Variants in LRRTM4 observed in about 807,000 individuals in gnomAD.
LRRTM4 encodes the protein leucine-rich repeat transmembrane neuronal protein 4.
A neutral mutation model predicts 47.6 loss-of-function variants in LRRTM4; 25 were observed. That is an observed-to-expected ratio of 0.53 (90% CI 0.38 to 0.73). LRRTM4 has a LOEUF of 0.73. LRRTM4 is among the 30% of genes least tolerant of loss of function. The pLI is 0.00. For synonymous variants in LRRTM4, 311 were observed against 269.5 expected (o/e 1.15, Z -1.51); for missense variants, 638 against 713.4 (o/e 0.89, Z 1.20).
At chr2:77,360,349 C>T (rs1672143051) in intron 3 of LRRTM4, among the ~76,000 whole-genome samples, 1 of 151,882 alleles carries the variant, frequency 6.6e-6, no homozygotes, top group South Asian at 2.1e-4. Context: ...CTCAGCTACT[C>T]GGGAGGCTGA....
intron 3 of LRRTM4, among the ~76,000 whole-genome samples, chr2:77,129,131 G>A (rs561138933): frequency 3.3e-5 from 5 of 152,016 alleles, no homozygotes; most frequent in Non-Finnish European, 7.4e-5. Context: ...ATCTTTATAT[G>A]AACATGGTAG....
intron 3 of LRRTM4, among the ~76,000 whole-genome samples, chr2:76,790,720 G>A (rs1674928108): frequency 6.6e-6 from 1 of 151,292 alleles, no homozygotes; most frequent in Non-Finnish European, 1.5e-5. Flanking sequence ...CCACCTCAGT[G>A]AAATTTAACA....
intron 3 of LRRTM4, among the ~76,000 whole-genome samples, chr2:77,318,544 A>G (rs1294470451): frequency 6.6e-6 from 1 of 152,014 alleles, no homozygotes; most frequent in Non-Finnish European, 1.5e-5. Flanking sequence ...AAATATAACT[A>G]CCCTTTTCAA....
intron 3 of LRRTM4, among the ~76,000 whole-genome samples, chr2:77,210,966 G>A (rs913073393): frequency 6.6e-6 from 1 of 152,104 alleles, no homozygotes; most frequent in African/African-American, 2.4e-5. Context: ...CCTGGAATGT[G>A]TAATGGATGT....
intron 3 of LRRTM4, among the ~76,000 whole-genome samples, chr2:77,355,578 C>T (rs1671937963): frequency 6.6e-6 from 1 of 152,086 alleles, no homozygotes; most frequent in African/African-American, 2.4e-5. Context: ...AACATGGATT[C>T]CATTTGTTTT....
chr2:77,082,349 G>A (rs1305355571), intron 3 of LRRTM4, among the ~76,000 whole-genome samples: 1 of 151,980 alleles, frequency 6.6e-6, no homozygotes, highest in East Asian at 1.9e-4. Flanking sequence ...AACTCTATGC[G>A]AGAGGGACCC....
chr2:77,277,284 T>C (rs898899619), intron 3 of LRRTM4, among the ~76,000 whole-genome samples: 5 of 151,262 alleles, frequency 3.3e-5, no homozygotes, highest in African/African-American at 1.2e-4. Flanking sequence ...TGTATAGCAA[T>C]GAAAAATACT....
chr2:77,061,390 A>T (rs913002426), intron 3 of LRRTM4, among the ~76,000 whole-genome samples: 4 of 152,172 alleles, frequency 2.6e-5, no homozygotes, highest in African/African-American at 9.7e-5. Context: ...AAAAAAAGTG[A>T]CCTTCAAAAC....
At chr2:76,978,752 A>T (rs1676500880) in intron 3 of LRRTM4, among the ~76,000 whole-genome samples, 1 of 151,978 alleles carries the variant, frequency 6.6e-6, no homozygotes, top group Non-Finnish European at 1.5e-5. Context: ...TTGCATGAGA[A>T]CTTCTTTGTT....
At chr2:77,031,464 T>C (rs573759400) in intron 3 of LRRTM4, among the ~76,000 whole-genome samples, 1 of 152,340 alleles carries the variant, frequency 6.6e-6, no homozygotes, top group South Asian at 2.1e-4. Context: ...TTATTAGTTA[T>C]TTCCTAATTT....
chr2:76,947,718 A>T (rs866322843), intron 3 of LRRTM4, among the ~76,000 whole-genome samples: 1 of 151,840 alleles, frequency 6.6e-6, no homozygotes, highest in Non-Finnish European at 1.5e-5. Flanking sequence ...CCTACTTTAG[A>T]TAGCAGCTGT....
At chr2:77,473,562 C>T (rs1222417192) in intron 3 of LRRTM4, among the ~76,000 whole-genome samples, 1 of 152,048 alleles carries the variant, frequency 6.6e-6, no homozygotes, top group African/African-American at 2.4e-5. Flanking sequence ...ACCATTGACC[C>T]AGTTGCAGCT....
At chr2:76,759,557 T>A (rs1354855035) in intron 3 of LRRTM4, among the ~76,000 whole-genome samples, 2 of 152,166 alleles carry the variant, frequency 1.3e-5, no homozygotes, top group African/African-American at 4.8e-5. Flanking sequence ...GGGAGAACTT[T>A]GGTGATTTTG....
chr2:77,244,720 G>A lies in LRRTM4; in HGVS notation c.1551+273598C>T, dbSNP rs139660682. Among the ~76,000 whole-genome samples the A allele has an allele frequency of 3.9e-3, 592 of 152,238 alleles. 1 individual carries two copies. The highest frequency in any genetic ancestry group is 0.013 in the African/African-American group (529 of 41,558). The stretch of plus-strand genomic sequence containing the variant: ...TTTTAAGATTAGGCTAAAAAACTGT[G>A]AATTTCCTCTTGTTCTCATTCTATT... On this transcript the variant is annotated intron_variant, in intron 3 of 3. Transcript: ENST00000409884.
At chr2:77,485,530 A>T (rs1677876250) in intron 3 of LRRTM4, among the ~76,000 whole-genome samples, 1 of 152,224 alleles carries the variant, frequency 6.6e-6, no homozygotes, top group Non-Finnish European at 1.5e-5. Flanking sequence ...TTGAATCCAG[A>T]GAAAAGGCTT....
At chr2:77,436,007 C>CATGATATATCTAAGA (rs1212965095) in intron 3 of LRRTM4, among the ~76,000 whole-genome samples, 2 of 152,136 alleles carry the variant, frequency 1.3e-5, no homozygotes, top group East Asian at 3.9e-4. Context: ...ATATCATTCA[C>CATGATATATCTAAGA]ATGAGCATCC....
chr2:77,340,515 G>T (rs1671335306), intron 3 of LRRTM4, among the ~76,000 whole-genome samples: 1 of 151,920 alleles, frequency 6.6e-6, no homozygotes. Context: ...CTTAAATGCT[G>T]AAATAGCAAG....
intron 3 of LRRTM4, among the ~76,000 whole-genome samples, chr2:76,935,574 G>T (rs941752579): frequency 1.3e-5 from 2 of 152,122 alleles, no homozygotes; most frequent in Non-Finnish European, 2.9e-5. Flanking sequence ...CACATCCCTT[G>T]TAAGTTGTAT....
rs1347594142 is a variant in LRRTM4 at position 77,360,536 on chromosome 2, C to CG, written c.1551+157781_1551+157782insC. On this transcript the variant is annotated intron_variant, in intron 3 of 3. Coordinates refer to ENST00000409884, the MANE Select transcript of LRRTM4 (RefSeq NM_001134745.3). ...CGATACGATACGATACGATACGATA[C>CG]AATACAATCATTCATACATACATAC... is the stretch of plus-strand genomic sequence containing the variant. 3.0e-3 allele frequency among the ~76,000 whole-genome samples: 373 copies of CG among 126,128 alleles called. 3 individuals carry two copies. Among genetic ancestry groups the CG allele is most frequent in the Middle Eastern group, 8.1e-3 (2 of 246 alleles). 82.7% of individuals were successfully genotyped at this position (126,128 alleles called of 152,430 possible). A position where few individuals can be genotyped will look rare whatever the true frequency, so the allele number is the denominator to read the frequency against.
Sources: gnomAD v4.1 joint callset for allele counts (sites outside exome capture counted in the v4.1 genomes callset) on GRCh38, gnomAD v4.1.1 for gene constraint, MANE v1.5 for transcripts, NCBI Gene and HGNC (gene_info 2026-07-23, HGNC 2026-07-21) for gene names.